Variants in LZTFL1 observed in about 807,000 individuals in gnomAD.
The protein encoded by LZTFL1 is leucine zipper transcription factor like 1.
Under a neutral mutation model 45.9 loss-of-function variants are expected in LZTFL1, and 25 were observed. That is an observed-to-expected ratio of 0.54 (90% confidence interval 0.40 to 0.76). The LOEUF is 0.76. LZTFL1 is among the 30% of genes least tolerant of loss of function. The probability of loss-of-function intolerance (pLI) is 0.00; values close to 1 mark genes in which losing one functional copy is unlikely to be tolerated. For synonymous variants in LZTFL1, 93 were observed against 117.4 expected, an observed-to-expected ratio of 0.79 and a Z score of 1.35; for missense variants, 277 against 331.1, an observed-to-expected ratio of 0.84 and a Z score of 1.27.
Position 45,900,651 on chromosome 3 carries a change from A to G in LZTFL1, c.-215+12469T>C, listed in dbSNP as rs1012847804. Among the ~76,000 whole-genome samples the G allele has an allele frequency of 5.3e-5, 8 of 152,176 alleles. No individual in the cohort carries two copies. Among genetic ancestry groups the G allele is most frequent in the African/African-American group, 1.9e-4 (8 of 41,446 alleles). ...ATAAACATCTGTTGAATAAATAAAT[A>G]TGTCACAACCCAAGCAGATGTCCTC... On this transcript the variant is annotated intron_variant, in intron 2 of 4. Transcript: ENST00000472635. This position sits in a 1 kb window ranked among gnomAD's most constrained non-coding sequence, Gnocchi z 4.7.
intron 2 of LZTFL1, among the ~76,000 whole-genome samples, chr3:45,893,140 T>C (rs1487725282): frequency 6.7e-6 from 1 of 150,174 alleles, no homozygotes; most frequent in African/African-American, 2.4e-5. Flanking sequence ...ACACTCCCCT[T>C]CCCTCTCTCT....
chr3:45,869,356 T>C (rs889240988), intron 2 of LZTFL1, among the ~76,000 whole-genome samples: 2 of 152,230 alleles, frequency 1.3e-5, no homozygotes, highest in African/African-American at 4.8e-5. Context: ...CATGAAGACT[T>C]TCCTAGAAGC....
chr3:45,901,773 G>T lies in LZTFL1; in HGVS notation c.-215+11347C>A. The T allele has an allele frequency of 6.2e-7, 1 of 1,614,156 alleles. No individual in the cohort carries two copies. Among genetic ancestry groups the T allele is most frequent in the Non-Finnish European group, 8.5e-7 (1 of 1,180,042 alleles). ...GGGTGAGAGATTCCGCCGGGATCTC[G>T]TGAAAACCCTGAAGAACTTGGGTTG... On this transcript the variant is annotated intron_variant, in intron 2 of 4. Coordinates refer to the LZTFL1 transcript ENST00000472635. This position sits in a 1 kb window ranked among gnomAD's most constrained non-coding sequence, Gnocchi z 4.3.
chr3:45,841,208 T>C (rs768654842), intron 1 of LZTFL1, among the ~76,000 whole-genome samples: 1 of 152,174 alleles, frequency 6.6e-6, no homozygotes, highest in Non-Finnish European at 1.5e-5. Flanking sequence ...TGGAACACAG[T>C]GTGGACTAAA....
intron 2 of LZTFL1, among the ~76,000 whole-genome samples, chr3:45,885,280 T>C (rs1037411940): frequency 6.6e-6 from 1 of 152,132 alleles, no homozygotes; most frequent in Non-Finnish European, 1.5e-5. Flanking sequence ...AGAACAAATA[T>C]ATAAAAGGGA....
At chr3:45,866,167 T>C (rs770914238) in intron 2 of LZTFL1, among the ~76,000 whole-genome samples, 9 of 151,962 alleles carry the variant, frequency 5.9e-5, no homozygotes, top group Non-Finnish European at 1.0e-4. Context: ...AACAAATGGG[T>C]CCAAGGACAC....
At chr3:45,858,569 C>T (rs1255506876) in intron 3 of LZTFL1, among the ~76,000 whole-genome samples, 2 of 152,148 alleles carry the variant, frequency 1.3e-5, no homozygotes, top group African/African-American at 4.8e-5. Flanking sequence ...GTAAACTGTA[C>T]TCATATGCTC....
Position 45,824,401 on chromosome 3 carries a change from A to G in LZTFL1, c.*1913T>C, listed in dbSNP as rs1445279395. 1 of 156,582 alleles carries G rather than the reference A, an allele frequency of 6.4e-6. No homozygotes were observed. Among genetic ancestry groups the G allele is most frequent in the Admixed American group, 6.5e-5 (1 of 15,414 alleles). 9.7% of individuals were successfully genotyped at this position (156,582 alleles called of 1,614,324 possible). A position where few individuals can be genotyped will look rare whatever the true frequency, so the allele number is the denominator to read the frequency against. On this transcript the variant is annotated 3_prime_UTR_variant, in exon 10 of 10. Coordinates refer to ENST00000296135, the MANE Select transcript of LZTFL1 (RefSeq NM_020347.4). ...ACAACAACAACAAAAATGACAAACCAGAAACACTAAAATGTGTTTACATGT... is the reference window on the plus strand; with the variant it reads ...ACAACAACAACAAAAATGACAAACCGGAAACACTAAAATGTGTTTACATGT...
upstream of LZTFL1, among the ~76,000 whole-genome samples, chr3:45,844,324 A>G (rs1049750208): frequency 1.8e-4 from 28 of 152,128 alleles, 1 homozygote. Flanking sequence ...TGAGGGGAAA[A>G]TCTGAGGGAA....
intron 4 of LZTFL1, among the ~76,000 whole-genome samples, chr3:45,849,325 C>G (rs1237363419): frequency 6.6e-6 from 1 of 152,164 alleles, no homozygotes; most frequent in Non-Finnish European, 1.5e-5. Context: ...AACACGGGCA[C>G]CAATACCTGA....
At chr3:45,853,910 T>C (rs1002403464) in intron 4 of LZTFL1, among the ~76,000 whole-genome samples, 1 of 152,244 alleles carries the variant, frequency 6.6e-6, no homozygotes, top group Non-Finnish European at 1.5e-5. Context: ...TATTGACTTC[T>C]TGCACTTCAC....
At chr3:45,913,998 T>C (rs1277791131) in intron 1 of LZTFL1, among the ~76,000 whole-genome samples, 1 of 152,214 alleles carries the variant, frequency 6.6e-6, no homozygotes, top group Non-Finnish European at 1.5e-5. Flanking sequence ...AGGGGATTCA[T>C]TTAGAAACAT....
intron 2 of LZTFL1, among the ~76,000 whole-genome samples, chr3:45,880,710 A>G (rs2125726129): frequency 6.6e-6 from 1 of 152,140 alleles, no homozygotes; most frequent in East Asian, 1.9e-4. Flanking sequence ...CTTCCTGCCA[A>G]CTGTTCCCTC....
intron 2 of LZTFL1, among the ~76,000 whole-genome samples, chr3:45,875,182 A>C (rs1307685644): frequency 6.8e-6 from 1 of 147,292 alleles, no homozygotes; most frequent in Non-Finnish European, 1.5e-5. Context: ...TTCTTTGTTT[A>C]CTTTTTCTCT....
chr3:45,830,428 C>T (rs1188484290), intron 7 of LZTFL1, among the ~76,000 whole-genome samples: 2 of 152,094 alleles, frequency 1.3e-5, no homozygotes, highest in Non-Finnish European at 2.9e-5. Context: ...CGGGTACAGA[C>T]GCATCTGCAG....
Position 45,901,975 on chromosome 3 carries a change from G to T in LZTFL1, c.-215+11145C>A. ...AACAGTTTCCCCACTGATGGGACCA[G>T]AGAGAGTGAAAGAGAAAAGAAAACT... is the stretch of plus-strand genomic sequence containing the variant. On this transcript the variant is annotated intron_variant, in intron 2 of 4. Coordinates refer to the LZTFL1 transcript ENST00000472635. This position sits in a 1 kb window ranked among gnomAD's most constrained non-coding sequence, Gnocchi z 4.3. The T allele has an allele frequency of 8.3e-7, 1 of 1,211,712 alleles. No homozygotes were observed. The highest frequency in any genetic ancestry group is 1.5e-5 in the South Asian group (1 of 65,262). The allele number at this position is 1,211,712 out of a possible 1,614,324, so 75.1% of individuals were successfully genotyped here. A position where few individuals can be genotyped will look rare whatever the true frequency, so the allele number is the denominator to read the frequency against.
At chr3:45,904,813 C>T (rs1702646392) in intron 2 of LZTFL1, among the ~76,000 whole-genome samples, 1 of 152,232 alleles carries the variant, frequency 6.6e-6, no homozygotes, top group African/African-American at 2.4e-5. Flanking sequence ...TGCTTGCCAT[C>T]TTTGAGTGGG....
In LZTFL1 at chr3:45,901,177, T is replaced by A. The variant is rs1459692450; in HGVS notation, c.-215+11943A>T. On this transcript the variant is annotated intron_variant, in intron 2 of 4. Transcript: ENST00000472635. The surrounding 1 kb of genome is among the most constrained non-coding windows in gnomAD (Gnocchi z 4.3). ...GTCAACAGCATGTACAAGATGAACT[T>A]CTACAGCTGTGTGTTGCTGATCATG... 6.2e-7 allele frequency: 1 copy of A among 1,614,210 alleles called. No individual in the cohort carries two copies. Among genetic ancestry groups the A allele is most frequent in the Admixed American group, 1.7e-5 (1 of 60,016 alleles).
Position 45,826,233 on chromosome 3 carries a change from A to G in LZTFL1, c.*81T>C, listed in dbSNP as rs1700658204. 7.9e-7 allele frequency: 1 copy of G among 1,262,434 alleles called. No homozygotes were observed. Among genetic ancestry groups the G allele is most frequent in the Admixed American group, 1.8e-5 (1 of 54,870 alleles). The allele number at this position is 1,262,434 out of a possible 1,614,324, so 78.2% of individuals were successfully genotyped here. On this transcript the variant is annotated 3_prime_UTR_variant, in exon 10 of 10. Coordinates refer to ENST00000296135, the MANE Select transcript of LZTFL1 (RefSeq NM_020347.4). ...GAAAAATAAGGAGAGGGGATATGAC[A>G]AAATGCTTTTCAAAATACATGCCTG...
Sources: gnomAD v4.1 joint callset for allele counts (sites outside exome capture counted in the v4.1 genomes callset) on GRCh38, gnomAD v4.1.1 for gene constraint, Gnocchi (gnomAD v3.1) non-coding constraint, MANE v1.5 for transcripts, NCBI Gene and HGNC (gene_info 2026-07-23, HGNC 2026-07-21) for gene names.